The following ROR2 variants were observed in gnomAD, a reference collection of about 807,000 sequenced individuals.
ROR2 encodes the protein tyrosine-protein kinase transmembrane receptor ROR2.
ROR2 carries 33 observed loss-of-function variants against 74.9 expected under a neutral mutation model. The observed-to-expected ratio is 0.44, with a 90% confidence interval of 0.33 to 0.59. ROR2 has a LOEUF of 0.59. ROR2 is among the 20% of genes least tolerant of loss of function. The pLI, the probability that ROR2 is intolerant of heterozygous loss-of-function variation, is 0.02. For missense variants in ROR2, 1,216 were observed against 1,313.8 expected, an observed-to-expected ratio of 0.93 and a Z score of 1.15; for synonymous variants, 586 against 558.7, an observed-to-expected ratio of 1.05 and a Z score of -0.69.
intron 1 of ROR2, among the ~76,000 whole-genome samples, chr9:91,919,193 C>T (rs1284022137): frequency 4.6e-5 from 7 of 152,218 alleles, no homozygotes; most frequent in Non-Finnish European, 8.8e-5. Flanking sequence ...TAAATGGGCA[C>T]TTAATAAACA....
intron 1 of ROR2, among the ~76,000 whole-genome samples, chr9:91,794,879 T>C (rs991985513): frequency 6.6e-6 from 1 of 152,156 alleles, no homozygotes; most frequent in African/African-American, 2.4e-5. Context: ...CCCAGCACTT[T>C]CGGAGGCCAA....
At chr9:91,896,877 G>C (rs1437780906) in intron 1 of ROR2, among the ~76,000 whole-genome samples, 6 of 152,240 alleles carry the variant, frequency 3.9e-5, no homozygotes, top group African/African-American at 1.4e-4. Flanking sequence ...TTCCTGACAG[G>C]CCTCTGCTTT....
At chr9:91,901,913 G>A (rs940795645) in intron 1 of ROR2, among the ~76,000 whole-genome samples, 44 of 152,122 alleles carry the variant, frequency 2.9e-4, no homozygotes, top group Admixed American at 2.8e-3. Flanking sequence ...CCTTTGCCAG[G>A]TGTAGGTGGG....
chr9:91,892,881 T>C (rs1415716152), intron 1 of ROR2, among the ~76,000 whole-genome samples: 1 of 152,144 alleles, frequency 6.6e-6, no homozygotes, highest in Non-Finnish European at 1.5e-5. Flanking sequence ...TGAGCCACCA[T>C]GCCTGGCCAC....
intron 1 of ROR2, among the ~76,000 whole-genome samples, chr9:91,829,753 C>T (rs1049709760): frequency 2.0e-5 from 3 of 151,998 alleles, no homozygotes; most frequent in Admixed American, 6.6e-5. Flanking sequence ...AAGATCCATA[C>T]GAATCTTCAT....
At chr9:91,829,549 C>CAAAAAAAAAAAAAAAAAA (rs34687056) in intron 1 of ROR2, among the ~76,000 whole-genome samples, 4 of 40,512 alleles carry the variant, frequency 9.9e-5, no homozygotes, top group African/African-American at 2.9e-4. Context: ...GACTCCGTCT[C>CAAAAAAAAAAAAAAAAAA]AAAAAAAAAA....
At chr9:91,821,212 A>G (rs938321932) in intron 1 of ROR2, among the ~76,000 whole-genome samples, 1 of 152,088 alleles carries the variant, frequency 6.6e-6, no homozygotes, top group Non-Finnish European at 1.5e-5. Flanking sequence ...GCTCAGGAGA[A>G]CCAACCCTGC....
At chr9:91,774,380 C>G (rs746148986) in intron 2 of ROR2, among the ~76,000 whole-genome samples, 5 of 152,174 alleles carry the variant, frequency 3.3e-5, no homozygotes, top group African/African-American at 7.2e-5. Flanking sequence ...GCTGTTCTGG[C>G]AGTTGATTGT....
intron 1 of ROR2, among the ~76,000 whole-genome samples, chr9:91,931,009 T>C (rs951084360): frequency 3.9e-5 from 6 of 152,110 alleles, no homozygotes; most frequent in Admixed American, 1.3e-4. Flanking sequence ...TTTGGACAGA[T>C]ATTTTACATA....
chr9:91,934,635 T>C (rs1831634921), intron 1 of ROR2, among the ~76,000 whole-genome samples: 1 of 152,210 alleles, frequency 6.6e-6, no homozygotes, highest in African/African-American at 2.4e-5. Context: ...CAGCTGAGTT[T>C]TTAGGGCCCC....
intron 1 of ROR2, among the ~76,000 whole-genome samples, chr9:91,856,554 C>T (rs540030325): frequency 6.6e-6 from 1 of 152,274 alleles, no homozygotes; most frequent in South Asian, 2.1e-4. Flanking sequence ...AGAGATGACA[C>T]AGACACACAC....
Position 91,918,864 on chromosome 9 carries a change from C to T in ROR2, c.97+31003G>A, listed in dbSNP as rs77039406. 8.9e-4 allele frequency among the ~76,000 whole-genome samples: 135 copies of T among 152,250 alleles called. 1 individual carries two copies. Among genetic ancestry groups the T allele is most frequent in the African/African-American group, 3.0e-3 (123 of 41,546 alleles). ...CAAAAGCTCCTTTCATTACAGATGACTGAAGTTGAAAAAGCAAAATAAGGC... is the reference window on the plus strand; with the variant it reads ...CAAAAGCTCCTTTCATTACAGATGATTGAAGTTGAAAAAGCAAAATAAGGC... On this transcript the variant is annotated intron_variant, in intron 1 of 8. Transcript: ENST00000375708.
chr9:91,801,607 G>C (rs371249767), intron 1 of ROR2, among the ~76,000 whole-genome samples: 1 of 152,182 alleles, frequency 6.6e-6, no homozygotes. Context: ...TAGGATTACC[G>C]GCGTGAGCCA....
intron 1 of ROR2, among the ~76,000 whole-genome samples, chr9:91,933,887 C>A (rs1461016221): frequency 6.6e-6 from 1 of 151,954 alleles, no homozygotes; most frequent in Non-Finnish European, 1.5e-5. Flanking sequence ...TAGAGGACTT[C>A]CTTTGGGGGT....
At chr9:91,803,258 C>T (rs1324627094) in intron 1 of ROR2, among the ~76,000 whole-genome samples, 2 of 152,218 alleles carry the variant, frequency 1.3e-5, no homozygotes, top group Non-Finnish European at 2.9e-5. Flanking sequence ...TCATTTGCTA[C>T]ATCAGGGATG....
At chr9:91,885,012 G>A (rs1273272712) in intron 1 of ROR2, among the ~76,000 whole-genome samples, 2 of 152,018 alleles carry the variant, frequency 1.3e-5, no homozygotes, top group South Asian at 2.1e-4. Context: ...AAAGCCTCGC[G>A]AACTTAAAGA....
intron 1 of ROR2, among the ~76,000 whole-genome samples, chr9:91,901,286 CAGT>C (rs60628430): frequency 0.012 from 1,873 of 152,292 alleles, 50 homozygotes; most frequent in African/African-American, 0.042. Flanking sequence ...ATCTGCATGT[CAGT>C]AGTTTGTGAA....
At chr9:91,769,807 A>G (rs1587702624) in intron 2 of ROR2, among the ~76,000 whole-genome samples, 1 of 152,120 alleles carries the variant, frequency 6.6e-6, no homozygotes, top group Admixed American at 6.5e-5. Flanking sequence ...TGGTTCCCAC[A>G]CTTGCTTCTC....
chr9:91,864,945 G>A (rs764731950), intron 1 of ROR2, among the ~76,000 whole-genome samples: 9 of 152,132 alleles, frequency 5.9e-5, no homozygotes, highest in Non-Finnish European at 1.2e-4. Flanking sequence ...TCACTTTAGC[G>A]GACGGGCTTC....
Sources: gnomAD v4.1 joint callset for allele counts (sites outside exome capture counted in the v4.1 genomes callset) on GRCh38, gnomAD v4.1.1 for gene constraint, MANE v1.5 for transcripts, NCBI Gene and HGNC (gene_info 2026-07-23, HGNC 2026-07-21) for gene names.